Variants in USP32 observed in about 807,000 individuals in gnomAD.
USP32 encodes the protein ubiquitin carboxyl-terminal hydrolase 32.
In USP32, 59 loss-of-function variants were observed where a neutral mutation model predicts 204.8. The observed-to-expected ratio is 0.29, with a 90% CI of 0.23 to 0.36. USP32 has a LOEUF of 0.36. Ranked by LOEUF, USP32 falls within the 10% of genes least tolerant of loss-of-function variation. The pLI is 1.00. For synonymous variants in USP32, 517 were observed against 678.4 expected (o/e 0.76, Z 3.70); for missense variants, 1,160 against 1,946.4 (o/e 0.60, Z 7.60).
At chr17:60,399,832 C>G (rs1023607773) in intron 1 of USP32, among the ~76,000 whole-genome samples, 1 of 152,172 alleles carries the variant, frequency 6.6e-6, no homozygotes, top group African/African-American at 2.4e-5. Context: ...CATCTGCCAG[C>G]TCTAAGGGCC....
chr17:60,266,751 GT>G (rs1312300290), intron 7 of USP32, among the ~76,000 whole-genome samples: 1 of 151,832 alleles, frequency 6.6e-6, no homozygotes, highest in Non-Finnish European at 1.5e-5. Flanking sequence ...TGCCTCCCGG[GT>G]TCAAGCAATT....
At chr17:60,243,452 G>A (rs1413170797) in intron 11 of USP32, among the ~76,000 whole-genome samples, 2 of 152,176 alleles carry the variant, frequency 1.3e-5, no homozygotes, top group African/African-American at 4.8e-5. Flanking sequence ...AAAGCCTTCA[G>A]TGTTCTACCA....
intron 3 of USP32, among the ~76,000 whole-genome samples, chr17:60,297,724 A>C (rs1473372091): frequency 1.3e-5 from 2 of 152,078 alleles, no homozygotes; most frequent in Non-Finnish European, 2.9e-5. Flanking sequence ...TACAGGTGTG[A>C]GCCATCACAA....
At chr17:60,387,970 G>T (rs909180706) in intron 1 of USP32, among the ~76,000 whole-genome samples, 1 of 152,064 alleles carries the variant, frequency 6.6e-6, no homozygotes, top group African/African-American at 2.4e-5. Context: ...TAAATTGTAA[G>T]TCGGGGATTG....
At chr17:60,294,315 G>A (rs1375939980) in intron 4 of USP32, among the ~76,000 whole-genome samples, 2 of 152,062 alleles carry the variant, frequency 1.3e-5, no homozygotes, top group African/African-American at 4.8e-5. Flanking sequence ...CAAGGCTAAT[G>A]AATGAATGAT....
chr17:60,412,492 A>C (rs1429122578), intron 1 of USP32, among the ~76,000 whole-genome samples: 1 of 150,918 alleles, frequency 6.6e-6, no homozygotes, highest in Admixed American at 6.7e-5. Context: ...CTATGATTGC[A>C]CCACTGCACT....
chr17:60,395,462 T>C (rs1286572520), upstream of USP32, among the ~76,000 whole-genome samples: 1 of 152,250 alleles, frequency 6.6e-6, no homozygotes, highest in Non-Finnish European at 1.5e-5. Flanking sequence ...TTTTGGTTTG[T>C]ATTACACAGT....
upstream of USP32, among the ~76,000 whole-genome samples, chr17:60,393,049 A>G (rs1007226052): frequency 2.0e-5 from 3 of 152,146 alleles, no homozygotes; most frequent in African/African-American, 7.2e-5. Flanking sequence ...TTTTGCATCC[A>G]TTGCCACGTC....
rs773701904 is a variant in USP32, at chr17:60,192,838, C to T, written c.3521+6G>A. On this transcript the variant is annotated splice_donor_region_variant and intron_variant, in intron 28 of 33. Transcript: ENST00000300896. ...ACTAAAGTAATTCTTTTGCAGGTCA[C>T]TTTACCTATACCATGGGCACCAAGC... 48 of 1,613,818 alleles carry T rather than the reference C, an allele frequency of 3.0e-5. No individual in the cohort carries two copies. Among genetic ancestry groups the T allele is most frequent in the Non-Finnish European group, 3.7e-5 (44 of 1,179,680 alleles).
At chr17:60,400,422 A>G (rs1219766598) in intron 1 of USP32, among the ~76,000 whole-genome samples, 2 of 152,180 alleles carry the variant, frequency 1.3e-5, no homozygotes, top group South Asian at 2.1e-4. Flanking sequence ...GATCCCAGAT[A>G]TTATTTTGAA....
upstream of USP32, among the ~76,000 whole-genome samples, chr17:60,395,553 A>G (rs1165762010): frequency 1.3e-5 from 2 of 152,224 alleles, no homozygotes; most frequent in African/African-American, 4.8e-5. Context: ...GAAAGTCTGA[A>G]GTCTGCTTGT....
intron 16 of USP32, among the ~76,000 whole-genome samples, chr17:60,219,393 ACAT>A (rs1398042738): frequency 6.6e-6 from 1 of 152,026 alleles, no homozygotes; most frequent in Non-Finnish European, 1.5e-5. Context: ...AGAAAAGGAA[ACAT>A]CCCATCTCAG....
intron 9 of USP32, 37 bp from the exon 10 acceptor site, chr17:60,255,295 TTTC>T (rs748842597): frequency 6.6e-7 from 1 of 1,517,948 alleles, no homozygotes; most frequent in Non-Finnish European, 8.9e-7. Context: ...ACATCTTTTT[TTTC>T]TTTTTTTTTT....
chr17:60,352,267 C>T (rs1282272433), intron 1 of USP32, among the ~76,000 whole-genome samples: 1 of 152,176 alleles, frequency 6.6e-6, no homozygotes, highest in Admixed American at 6.5e-5. Flanking sequence ...TATCCTTTTG[C>T]CCTTATCTCT....
intron 1 of USP32, among the ~76,000 whole-genome samples, chr17:60,357,149 C>T (rs1400580410): frequency 6.6e-6 from 1 of 152,032 alleles, no homozygotes; most frequent in East Asian, 1.9e-4. Context: ...GTCTGAGGAA[C>T]AGAAAGAACA....
chr17:60,183,166 T>A lies in USP32; in HGVS notation c.4122A>T (p.Lys1374Asn). ...CTGCATAAGGCCCCCAGGCCTCACC[T>A]TTCGGGCTGCTGATGATGTTAGCGC... ...SLSANIISSP[K>N]GSPSSSRKSG... Residue 1374 changes from lysine (K) to asparagine (N), a missense_variant and splice_region_variant, in exon 31 of 34, where the codon AAA becomes AAT. Lys to Asn is a moderately conservative substitution (Grantham distance 94). Around this residue, in one of 8 missense-constraint regions of USP32, gnomAD observed 244 missense variants for 342.3 expected, o/e 0.71. Transcript: ENST00000300896. 6.2e-7 allele frequency: 1 copy of A among 1,607,556 alleles called. No individual in the cohort carries two copies. The highest frequency in any genetic ancestry group is 8.5e-7 in the Non-Finnish European group (1 of 1,176,234).
chr17:60,280,301 T>TG (rs1217971084), intron 5 of USP32, among the ~76,000 whole-genome samples: 1 of 152,134 alleles, frequency 6.6e-6, no homozygotes, highest in Non-Finnish European at 1.5e-5. Flanking sequence ...TTCACCATGT[T>TG]GCCCAGGCTG....
intron 1 of USP32, among the ~76,000 whole-genome samples, chr17:60,414,811 TC>T (rs941669777): frequency 2.0e-5 from 3 of 152,042 alleles, no homozygotes; most frequent in African/African-American, 7.2e-5. Flanking sequence ...GCCTGGAATT[TC>T]CCTAGAAGGA....
At chr17:60,182,479 T>C (rs1230447176) in intron 31 of USP32, among the ~76,000 whole-genome samples, 1 of 152,222 alleles carries the variant, frequency 6.6e-6, no homozygotes, top group East Asian at 1.9e-4. Context: ...AAAATAGTTT[T>C]GGGCAAGGCA....
Sources: gnomAD v4.1 joint callset for allele counts (sites outside exome capture counted in the v4.1 genomes callset) on GRCh38, gnomAD v4.1.1 for gene constraint, gnomAD v4.1.1 regional missense constraint, MANE v1.5 for transcripts, NCBI Gene and HGNC (gene_info 2026-07-23, HGNC 2026-07-21) for gene names.